MAST4: variants seen among roughly 807,000 people sequenced by gnomAD.
MAST4 encodes microtubule-associated serine/threonine-protein kinase 4.
Under a neutral mutation model 162.7 loss-of-function variants are expected in MAST4, and 89 were observed. That is an observed-to-expected ratio of 0.55 (90% CI 0.46 to 0.65). The LOEUF (loss-of-function observed/expected upper bound fraction) is 0.65, where lower values mean the gene tolerates loss of function less well. Ranked by LOEUF, MAST4 falls within the 30% of genes least tolerant of loss-of-function variation. The pLI, the probability that MAST4 is intolerant of heterozygous loss-of-function variation, is 0.00. For synonymous variants in MAST4, 1,479 were observed against 1,361.1 expected (o/e 1.09, Z -1.91); for missense variants, 3,153 against 3,374.0 (o/e 0.93, Z 1.62).
rs1011417971 is a variant in MAST4, at chr5:67,141,942, A to T, written c.2495-173A>T. 2.0e-5 allele frequency among the ~76,000 whole-genome samples: 3 copies of T among 152,384 alleles called. No homozygotes were observed. The South Asian group carries it at 6.2e-4, about 32-fold the overall frequency. Reference sequence around the variant, plus strand: ...TAGCAACATCAAATCTCCTACTGATAAATTATCAGAAAAACTTGTGGGGCT... The same window carrying T: ...TAGCAACATCAAATCTCCTACTGATTAATTATCAGAAAAACTTGTGGGGCT... On this transcript the variant is annotated intron_variant, in intron 19 of 28. Transcript: ENST00000403625.
intron 3 of MAST4, among the ~76,000 whole-genome samples, chr5:66,810,366 A>T (rs27510): frequency 0.16 from 24,169 of 152,122 alleles, 2,211 homozygotes; most frequent in East Asian, 0.44. Context: ...AGGCTGATAG[A>T]CGTTCTGCTA....
At position 66,596,709 on chromosome 5, in the gene MAST4, C is replaced by A; in HGVS notation, c.54C>A (p.Gly18=). 1 of 1,453,940 alleles carries A rather than the reference C, an allele frequency of 6.9e-7. No homozygotes were observed. The highest frequency in any genetic ancestry group is 1.5e-5 in the South Asian group (1 of 68,356). The allele number at this position is 1,453,940 out of a possible 1,614,324, so 90.1% of individuals were successfully genotyped here. A position where few individuals can be genotyped will look rare whatever the true frequency, so the allele number is the denominator to read the frequency against. Residue 18 remains glycine (G), a synonymous_variant, in exon 1 of 29, where the codon GGC becomes GGA. Transcript: ENST00000403625. ...APEPVPRGCS[G]HGSRTPASAL... is the part of the protein sequence containing the mutation. ...AGCCGGTGCCCCGCGGCTGCAGTGG[C>A]CACGGCAGCCGGACTCCAGCCTCTG...
intron 14 of MAST4, among the ~76,000 whole-genome samples, chr5:67,125,576 G>A (rs1415564627): frequency 2.0e-5 from 3 of 152,010 alleles, no homozygotes; most frequent in Non-Finnish European, 4.4e-5. Context: ...TGTAAAGGAC[G>A]TGAACTCATT....
intron 1 of MAST4, among the ~76,000 whole-genome samples, chr5:66,681,628 G>A (rs1387486001): frequency 6.6e-6 from 1 of 152,214 alleles, no homozygotes; most frequent in Non-Finnish European, 1.5e-5. Flanking sequence ...CTTCCTGAAT[G>A]TGCTTCTTTG....
chr5:66,810,111 T>G (rs1756404971), intron 3 of MAST4, among the ~76,000 whole-genome samples: 1 of 152,212 alleles, frequency 6.6e-6, no homozygotes, highest in South Asian at 2.1e-4. Context: ...CTGTGAGTTC[T>G]GTGACGTCCG....
chr5:66,606,810 A>G (rs552535252), intron 1 of MAST4, among the ~76,000 whole-genome samples: 1 of 152,242 alleles, frequency 6.6e-6, no homozygotes, highest in South Asian at 2.1e-4. Context: ...CGCACTTGAG[A>G]CATAATGTGT....
chr5:66,624,840 TG>T (rs1324495573), intron 1 of MAST4, among the ~76,000 whole-genome samples: 1 of 152,326 alleles, frequency 6.6e-6, no homozygotes, highest in East Asian at 1.9e-4. Flanking sequence ...TGTCTCATAC[TG>T]GTCACAGAAA....
rs1756098526 is a variant in MAST4, at chr5:66,804,719, A to G, written c.642+15925A>G. On this transcript the variant is annotated intron_variant, in intron 3 of 28. Coordinates refer to ENST00000403625, the MANE Select transcript of MAST4 (RefSeq NM_001164664.2). ...CATCTCTGGAAGGGTTTAAGAGTGG[A>G]CTCTTCTGTATGTTGCCTATAAAGG... Among the ~76,000 whole-genome samples, 10 of 151,782 alleles carry G rather than the reference A, an allele frequency of 6.6e-5. No individual in the cohort carries two copies. The South Asian group carries it at 2.1e-3, about 32-fold the overall frequency.
chr5:66,785,779 T>G, intron 2 of MAST4, among the ~76,000 whole-genome samples: 1 of 152,206 alleles, frequency 6.6e-6, no homozygotes, highest in East Asian at 1.9e-4. Flanking sequence ...CTATAACAGG[T>G]ACTGGGGATA....
chr5:66,900,000 G>T lies in MAST4; in HGVS notation c.674+18G>T. ...GGAAGTTTGTAAGTAGTAGTATTTT[G>T]TTTCCTTGTTTTCTTTTTATTAATA... On this transcript the variant is annotated intron_variant, in intron 4 of 28. Coordinates refer to ENST00000403625, the MANE Select transcript of MAST4 (RefSeq NM_001164664.2). 1 of 1,485,560 alleles carries T rather than the reference G, an allele frequency of 6.7e-7. No homozygotes were observed. Among genetic ancestry groups the T allele is most frequent in the East Asian group, 2.6e-5 (1 of 38,950 alleles). 92.0% of individuals were successfully genotyped at this position (1,485,560 alleles called of 1,614,324 possible).
intron 3 of MAST4, among the ~76,000 whole-genome samples, chr5:66,837,402 AG>A (rs1420852624): frequency 6.6e-6 from 1 of 152,100 alleles, no homozygotes; most frequent in Non-Finnish European, 1.5e-5. Context: ...CTTTATAATT[AG>A]TTAAATAAGT....
At chr5:66,952,128 T>A (rs771238694) in intron 4 of MAST4, among the ~76,000 whole-genome samples, 1 of 152,066 alleles carries the variant, frequency 6.6e-6, no homozygotes, top group Non-Finnish European at 1.5e-5. Context: ...TAGATGACAA[T>A]GATGAACCCT....
At chr5:66,623,330 CA>C (rs2149409957) in intron 1 of MAST4, among the ~76,000 whole-genome samples, 1 of 152,294 alleles carries the variant, frequency 6.6e-6, no homozygotes, top group East Asian at 1.9e-4. Flanking sequence ...CAGACAAAGA[CA>C]CCACAAGAAA....
intron 1 of MAST4, among the ~76,000 whole-genome samples, chr5:66,660,998 G>A (rs1161579867): frequency 1.3e-5 from 2 of 152,186 alleles, no homozygotes; most frequent in Non-Finnish European, 2.9e-5. Context: ...TCACATGTTA[G>A]CATGTAGCGT....
intron 4 of MAST4, among the ~76,000 whole-genome samples, chr5:67,017,061 G>A (rs1393937512): frequency 6.6e-6 from 1 of 152,140 alleles, no homozygotes; most frequent in Admixed American, 6.5e-5. Context: ...ATGACTCGAT[G>A]GCACTCAAAT....
chr5:66,859,614 T>C (rs1038111202), intron 3 of MAST4, among the ~76,000 whole-genome samples: 17 of 152,172 alleles, frequency 1.1e-4, no homozygotes, highest in Non-Finnish European at 2.2e-4. Flanking sequence ...AATTCAAAGG[T>C]AATTAGAAAG....
intron 5 of MAST4, among the ~76,000 whole-genome samples, chr5:67,068,688 G>T (rs1398028753): frequency 1.3e-5 from 2 of 152,118 alleles, no homozygotes; most frequent in Non-Finnish European, 2.9e-5. Context: ...TTTCCAAAAA[G>T]AAATACAGGC....
intron 4 of MAST4, among the ~76,000 whole-genome samples, chr5:66,939,192 G>C (rs570802286): frequency 6.6e-6 from 1 of 152,204 alleles, no homozygotes; most frequent in East Asian, 1.9e-4. Context: ...TTTGTGAAGA[G>C]AGAAACAAAT....
intron 2 of MAST4, among the ~76,000 whole-genome samples, chr5:66,765,475 A>G (rs1754052026): frequency 6.6e-6 from 1 of 152,152 alleles, no homozygotes; most frequent in Non-Finnish European, 1.5e-5. Flanking sequence ...TAACATTTGT[A>G]TCACTTTTAT....
Sources: gnomAD v4.1 joint callset for allele counts (sites outside exome capture counted in the v4.1 genomes callset) on GRCh38, gnomAD v4.1.1 for gene constraint, MANE v1.5 for transcripts, NCBI Gene and HGNC (gene_info 2026-07-23, HGNC 2026-07-21) for gene names.